The following NXPH1 variants were observed in gnomAD, a reference collection of about 807,000 sequenced individuals.
NXPH1 encodes neurexophilin 1, also known as neurexophilin-1.
NXPH1 carries 5 observed loss-of-function variants against 23.7 expected under a neutral mutation model. The observed-to-expected ratio is 0.21, with a 90% CI of 0.11 to 0.44. NXPH1 has a LOEUF of 0.44. Ranked by LOEUF, NXPH1 falls within the 20% of genes least tolerant of loss-of-function variation. The pLI, the probability that NXPH1 is intolerant of heterozygous loss-of-function variation, is 0.99. For missense variants in NXPH1, 324 were observed against 321.6 expected (o/e 1.01, Z -0.06); for synonymous variants, 144 against 122.2 (o/e 1.18, Z -1.18).
At chr7:8,735,081 C>T (rs1456487649) in intron 2 of NXPH1, among the ~76,000 whole-genome samples, 1 of 152,186 alleles carries the variant, frequency 6.6e-6, no homozygotes, top group African/African-American at 2.4e-5. Context: ...ATCATGTCAT[C>T]TGCAAACAGG....
In NXPH1 at chr7:8,434,037, C is replaced by G. The variant is rs551158744; in HGVS notation, c.-829C>G. ...CACGACCACCGCGGCCGCCGGAAAC[C>G]CAAAGCGCTCCAGAGCGTCCCCGGG... On this transcript the variant is annotated 5_prime_UTR_variant, in exon 1 of 3. Coordinates refer to ENST00000405863, the MANE Select transcript of NXPH1 (RefSeq NM_152745.3). This position sits in a 1 kb window ranked among gnomAD's most constrained non-coding sequence, Gnocchi z 7.6. The G allele has an allele frequency of 6.6e-6, 1 of 152,314 alleles. No individual in the cohort carries two copies. The highest frequency in any genetic ancestry group is 2.1e-4 in the South Asian group (1 of 4,830). 9.4% of individuals were successfully genotyped at this position (152,314 alleles called of 1,614,324 possible). A position where few individuals can be genotyped will look rare whatever the true frequency, so the allele number is the denominator to read the frequency against.
intron 2 of NXPH1, among the ~76,000 whole-genome samples, chr7:8,640,373 G>A (rs1346424629): frequency 6.6e-6 from 1 of 151,578 alleles, no homozygotes; most frequent in African/African-American, 2.4e-5. Context: ...GGGTCCTCAT[G>A]TAATTTTTGA....
chr7:8,483,049 A>C (rs1817101420), intron 2 of NXPH1, among the ~76,000 whole-genome samples: 1 of 152,214 alleles, frequency 6.6e-6, no homozygotes, highest in African/African-American at 2.4e-5. Flanking sequence ...CATGCATAGA[A>C]GCTGTTAGCA....
chr7:8,507,318 T>G (rs1228093188), intron 2 of NXPH1, among the ~76,000 whole-genome samples: 2 of 151,626 alleles, frequency 1.3e-5, no homozygotes, highest in African/African-American at 4.9e-5. Flanking sequence ...GGGTAGATCA[T>G]GAGTGAAACA....
At chr7:8,564,313 CA>C (rs1258915161) in intron 2 of NXPH1, among the ~76,000 whole-genome samples, 4 of 151,806 alleles carry the variant, frequency 2.6e-5, no homozygotes, top group African/African-American at 9.7e-5. Context: ...AAATTAATTT[CA>C]TGCCTAATCT....
At chr7:8,493,463 T>C (rs1817285223) in intron 2 of NXPH1, among the ~76,000 whole-genome samples, 1 of 152,058 alleles carries the variant, frequency 6.6e-6, no homozygotes, top group African/African-American at 2.4e-5. Context: ...CATACTTTGC[T>C]GGAACATTTG....
intron 2 of NXPH1, among the ~76,000 whole-genome samples, chr7:8,559,673 G>A (rs1818410565): frequency 6.6e-6 from 1 of 151,628 alleles, no homozygotes; most frequent in Admixed American, 6.6e-5. Flanking sequence ...GGTTGGGTCT[G>A]GTGCCTTAGC....
chr7:8,750,883 A>G (rs1460396874), intron 2 of NXPH1, 125 bp from the exon 3 acceptor site: 2 of 886,982 alleles, frequency 2.3e-6, no homozygotes, highest in African/African-American at 3.4e-5. Context: ...TTCTTCTCAG[A>G]TGCGGTGCTT....
At chr7:8,615,174 G>A (rs1365519353) in intron 2 of NXPH1, among the ~76,000 whole-genome samples, 1 of 152,044 alleles carries the variant, frequency 6.6e-6, no homozygotes, top group Non-Finnish European at 1.5e-5. Context: ...CTGCATTTGA[G>A]CCCTGCTATT....
intron 2 of NXPH1, among the ~76,000 whole-genome samples, chr7:8,577,395 C>A (rs975592120): frequency 6.6e-6 from 1 of 152,154 alleles, no homozygotes; most frequent in African/African-American, 2.4e-5. Context: ...AGGAGAGTAA[C>A]AATCTTCTTT....
intron 2 of NXPH1, among the ~76,000 whole-genome samples, chr7:8,467,927 C>T (rs1415630850): frequency 6.6e-6 from 1 of 152,004 alleles, no homozygotes; most frequent in Non-Finnish European, 1.5e-5. Flanking sequence ...TGTATACTAT[C>T]AGTATTATTG....
At chr7:8,616,378 T>G (rs1451321679) in intron 2 of NXPH1, among the ~76,000 whole-genome samples, 2 of 152,096 alleles carry the variant, frequency 1.3e-5, no homozygotes, top group African/African-American at 4.8e-5. Context: ...GGACTCCTCA[T>G]TGCCCTTATG....
At chr7:8,612,451 A>AT (rs1265049972) in intron 2 of NXPH1, among the ~76,000 whole-genome samples, 1 of 151,978 alleles carries the variant, frequency 6.6e-6, no homozygotes, top group African/African-American at 2.4e-5. Context: ...ACACTTGATT[A>AT]AACTTGAAAT....
intron 2 of NXPH1, among the ~76,000 whole-genome samples, chr7:8,749,795 G>A (rs1017257762): frequency 2.6e-5 from 4 of 152,148 alleles, no homozygotes; most frequent in Admixed American, 6.5e-5. Flanking sequence ...CATATTGAAT[G>A]GTTTACTGGT....
intron 2 of NXPH1, among the ~76,000 whole-genome samples, chr7:8,675,249 G>T (rs1820932454): frequency 6.6e-6 from 1 of 151,706 alleles, no homozygotes; most frequent in Non-Finnish European, 1.5e-5. Context: ...ACCTCAAAAT[G>T]CCTAATATAA....
chr7:8,503,558 G>A (rs1377372139), intron 2 of NXPH1, among the ~76,000 whole-genome samples: 1 of 151,752 alleles, frequency 6.6e-6, no homozygotes, highest in Non-Finnish European at 1.5e-5. Flanking sequence ...TATTTCTTCT[G>A]CTTGTTTTTG....
intron 2 of NXPH1, among the ~76,000 whole-genome samples, chr7:8,726,500 A>C (rs1307424745): frequency 1.1e-4 from 11 of 98,790 alleles, no homozygotes; most frequent in African/African-American, 3.7e-4. Context: ...CCCACCCCAC[A>C]ACAGTCCCCA....
At chr7:8,544,445 G>A (rs182517044) in intron 2 of NXPH1, among the ~76,000 whole-genome samples, 2 of 151,668 alleles carry the variant, frequency 1.3e-5, no homozygotes, top group African/African-American at 4.8e-5. Context: ...TACAGACAAA[G>A]ACATAGATCA....
intron 2 of NXPH1, among the ~76,000 whole-genome samples, chr7:8,663,195 T>C (rs1820706952): frequency 6.6e-6 from 1 of 152,100 alleles, no homozygotes; most frequent in Non-Finnish European, 1.5e-5. Flanking sequence ...TCTAAATTCT[T>C]ACTTGCAAAA....
Sources: gnomAD v4.1 joint callset for allele counts (sites outside exome capture counted in the v4.1 genomes callset) on GRCh38, gnomAD v4.1.1 for gene constraint, Gnocchi (gnomAD v3.1) non-coding constraint, MANE v1.5 for transcripts, NCBI Gene and HGNC (gene_info 2026-07-23, HGNC 2026-07-21) for gene names.